CADPS: variants seen among roughly 807,000 people sequenced by gnomAD.
CADPS encodes the protein calcium-dependent secretion activator 1.
CADPS carries 57 observed loss-of-function variants against 167.3 expected under a neutral mutation model. The ratio of observed to expected loss-of-function variants is 0.34; its 90% confidence interval spans 0.28 to 0.42. CADPS has a LOEUF of 0.42. Ranked by LOEUF, CADPS falls within the 20% of genes least tolerant of loss-of-function variation. The pLI is 1.00. For synonymous variants in CADPS, 676 were observed against 635.3 expected (o/e 1.06, Z -0.96); for missense variants, 1,414 against 1,738.1 (o/e 0.81, Z 3.32).
At chr3:62,809,435 T>A (rs2094287187) in intron 1 of CADPS, among the ~76,000 whole-genome samples, 1 of 152,168 alleles carries the variant, frequency 6.6e-6, no homozygotes, top group Admixed American at 6.5e-5. Flanking sequence ...ATCTCAGGGT[T>A]TGTCCTTTCT....
At chr3:62,635,660 T>C in intron 6 of CADPS, among the ~76,000 whole-genome samples, 1 of 140,920 alleles carries the variant, frequency 7.1e-6, no homozygotes, top group African/African-American at 2.6e-5. Flanking sequence ...TTTTTTTTTT[T>C]TTTCCCCTCC....
chr3:62,810,178 G>A (rs753823356), intron 1 of CADPS, among the ~76,000 whole-genome samples: 6 of 152,126 alleles, frequency 3.9e-5, no homozygotes, highest in Admixed American at 3.3e-4. Flanking sequence ...GCAATGGAGA[G>A]TAGTCCTCAA....
intron 3 of CADPS, among the ~76,000 whole-genome samples, chr3:62,725,999 G>C (rs538579): frequency 0.38 from 57,880 of 151,524 alleles, 12,934 homozygotes; most frequent in African/African-American, 0.61. Flanking sequence ...TCACATGGTG[G>C]CAAACCGCCT....
At chr3:62,449,926 G>A (rs576893982) in intron 26 of CADPS, among the ~76,000 whole-genome samples, 2 of 152,120 alleles carry the variant, frequency 1.3e-5, no homozygotes, top group Non-Finnish European at 2.9e-5. Context: ...TTAGCTTGGT[G>A]ACTAGCCATT....
chr3:62,719,699 A>G (rs956187418), intron 3 of CADPS, among the ~76,000 whole-genome samples: 45 of 152,246 alleles, frequency 3.0e-4, no homozygotes, highest in African/African-American at 8.9e-4. Flanking sequence ...TGAAAAATGT[A>G]GCCATTGCCT....
At chr3:62,769,301 G>A (rs766643606) in intron 1 of CADPS, among the ~76,000 whole-genome samples, 2 of 150,380 alleles carry the variant, frequency 1.3e-5, no homozygotes, top group Non-Finnish European at 3.0e-5. Flanking sequence ...GTGTGATCTC[G>A]GCTCACTGCA....
intron 3 of CADPS, among the ~76,000 whole-genome samples, chr3:62,696,407 T>A (rs1047953617): frequency 6.6e-6 from 1 of 152,074 alleles, no homozygotes; most frequent in Non-Finnish European, 1.5e-5. Context: ...AGATACACCC[T>A]CTTTGCACCT....
intron 3 of CADPS, among the ~76,000 whole-genome samples, chr3:62,702,837 C>T (rs942898821): frequency 6.6e-6 from 1 of 152,092 alleles, no homozygotes; most frequent in Non-Finnish European, 1.5e-5. Flanking sequence ...CCATGTTGGA[C>T]AGCAGAGTTC....
At chr3:62,550,343 A>G (rs1244688111) in intron 10 of CADPS, among the ~76,000 whole-genome samples, 1 of 152,084 alleles carries the variant, frequency 6.6e-6, no homozygotes, top group Non-Finnish European at 1.5e-5. Context: ...TGCTGGGGAT[A>G]GAACTGCCAA....
intron 10 of CADPS, among the ~76,000 whole-genome samples, chr3:62,552,709 C>T (rs1001451360): frequency 2.0e-5 from 3 of 152,072 alleles, no homozygotes; most frequent in South Asian, 2.1e-4. Flanking sequence ...ATGCTGCAAG[C>T]GTGGGTGTGT....
chr3:62,830,092 T>A (rs892657169), intron 1 of CADPS, among the ~76,000 whole-genome samples: 3 of 152,168 alleles, frequency 2.0e-5, no homozygotes, highest in African/African-American at 4.8e-5. Flanking sequence ...CTTAGCTCTA[T>A]GAAGACTCCT....
intron 13 of CADPS, among the ~76,000 whole-genome samples, chr3:62,520,618 G>C (rs2070287094): frequency 6.6e-6 from 1 of 152,098 alleles, no homozygotes; most frequent in African/African-American, 2.4e-5. Context: ...AAGTCTGTAA[G>C]GTACAAGTAC....
rs1348277150 is a variant in CADPS at position 62,412,015 on chromosome 3, ACAAAGCTATAATCAGACAC to A, written c.3778-8849_3778-8831del. Among the ~76,000 whole-genome samples, 4 of 152,176 alleles carry A rather than the reference ACAAAGCTATAATCAGACAC, an allele frequency of 2.6e-5. No individual in the cohort carries two copies. In the South Asian group the frequency reaches 6.2e-4, roughly 24 times the overall value. ...AGCTTCAGGACGCGCAGCTAACAGC[ACAAAGCTATAATCAGACAC>A]CAAAGCTATAATCAGACACCGAAGC... On this transcript the variant is annotated intron_variant, in intron 28 of 29. Coordinates refer to ENST00000383710, the MANE Select transcript of CADPS (RefSeq NM_003716.4). This position sits in a 1 kb window ranked among gnomAD's most constrained non-coding sequence, Gnocchi z 4.1.
At chr3:62,791,313 G>A (rs2152735593) in intron 1 of CADPS, among the ~76,000 whole-genome samples, 1 of 152,272 alleles carries the variant, frequency 6.6e-6, no homozygotes, top group South Asian at 2.1e-4. Context: ...TGTGAATGAA[G>A]AACTGAATTT....
chr3:62,447,222 T>G (rs898662669), intron 26 of CADPS, among the ~76,000 whole-genome samples: 2 of 152,184 alleles, frequency 1.3e-5, no homozygotes, highest in Non-Finnish European at 2.9e-5. Flanking sequence ...TACTGTGTAC[T>G]TTGCAGGGCT....
At chr3:62,584,053 G>A (rs2084042525) in intron 8 of CADPS, among the ~76,000 whole-genome samples, 2 of 148,756 alleles carry the variant, frequency 1.3e-5, no homozygotes, top group South Asian at 4.3e-4. Context: ...TGCCCAGGCT[G>A]GAGTGCAGTG....
At chr3:62,820,845 G>C (rs909710274) in intron 1 of CADPS, among the ~76,000 whole-genome samples, 1 of 147,542 alleles carries the variant, frequency 6.8e-6, no homozygotes, top group Non-Finnish European at 1.5e-5. Flanking sequence ...TCTGTCACCA[G>C]GCTGGAGTGC....
At chr3:62,593,009 T>C (rs1369014079) in intron 6 of CADPS, among the ~76,000 whole-genome samples, 3 of 152,234 alleles carry the variant, frequency 2.0e-5, no homozygotes, top group Non-Finnish European at 2.9e-5. Flanking sequence ...CATAAACTCA[T>C]GTTGGTGAGA....
chr3:62,793,980 T>A (rs2093176911), intron 1 of CADPS, among the ~76,000 whole-genome samples: 1 of 152,150 alleles, frequency 6.6e-6, no homozygotes, highest in African/African-American at 2.4e-5. Flanking sequence ...ATCCTTGGGC[T>A]TCCAACTCAA....
Sources: allele counts gnomAD v4.1 joint callset (sites outside exome capture counted in the v4.1 genomes callset), GRCh38; gene constraint gnomAD v4.1.1; non-coding constraint Gnocchi (gnomAD v3.1); transcripts MANE v1.5; gene names NCBI Gene and HGNC (gene_info 2026-07-23, HGNC 2026-07-21).